PFKFB3: variants seen among roughly 807,000 people sequenced by gnomAD.
PFKFB3 encodes 6-phosphofructo-2-kinase/fructose-2,6-bisphosphatase 3.
A neutral mutation model predicts 68.0 loss-of-function variants in PFKFB3; 33 were observed. The observed-to-expected ratio is 0.49, with a 90% confidence interval of 0.37 to 0.65. The LOEUF is 0.65. Among genes scored for constraint, PFKFB3 ranks in the 30% least tolerant of loss-of-function variants. PFKFB3 has a pLI of 0.00. For missense variants in PFKFB3, 586 were observed against 712.2 expected, an observed-to-expected ratio of 0.82 and a Z score of 2.02; for synonymous variants, 315 against 288.2, an observed-to-expected ratio of 1.09 and a Z score of -0.94.
intron 1 of PFKFB3, among the ~76,000 whole-genome samples, chr10:6,196,172 C>G (rs1241025522): frequency 6.6e-6 from 1 of 150,892 alleles, no homozygotes; most frequent in East Asian, 1.9e-4. Context: ...CGCTCTGTCT[C>G]CTAGGCTGGA....
chr10:6,223,412 T>C (rs768394384), intron 11 of PFKFB3, among the ~76,000 whole-genome samples: 2 of 152,168 alleles, frequency 1.3e-5, no homozygotes, highest in Non-Finnish European at 2.9e-5. Context: ...CTAAATTGTT[T>C]GGGAGTGACT....
At position 6,221,700 on chromosome 10, in the gene PFKFB3, G is replaced by T. The variant is rs372499415; in HGVS notation, c.1038G>T (p.Ala346=). The change falls in exon 10 of 15, where the codon GCG becomes GCT. Residue 346 remains alanine, a synonymous_variant. Transcript: ENST00000379775. The part of the protein sequence containing the change: ...EIRDTYPEEY[A]LREQDKYYYR... ...GGGACACCTACCCTGAGGAGTATGC[G>T]CTGCGGGAGCAGGACAAGTACTATT... 2.5e-6 allele frequency: 4 copies of T among 1,609,556 alleles called. No homozygotes were observed. The highest frequency in any genetic ancestry group is 3.4e-5 in the Admixed American group (2 of 59,274).
chr10:6,309,495 G>A, the PFKFB3 span, among the ~76,000 whole-genome samples: 1 of 152,040 alleles, frequency 6.6e-6, no homozygotes, highest in Non-Finnish European at 1.5e-5. Flanking sequence ...GGTGGTGCAT[G>A]CCTGTAATCC....
At chr10:6,307,551 T>TTCCTTCCC in the PFKFB3 span, among the ~76,000 whole-genome samples, 1 of 150,842 alleles carries the variant, frequency 6.6e-6, no homozygotes, top group Admixed American at 6.6e-5. Flanking sequence ...CCTTCCTTCC[T>TTCCTTCCC]TCCTTCCTTC....
chr10:6,223,063 C>G, intron 11 of PFKFB3, 79 bp downstream of exon 11: 2 of 1,458,076 alleles, frequency 1.4e-6, no homozygotes, highest in Admixed American at 1.9e-5. Flanking sequence ...GCAGACCTGC[C>G]GTGGCCTGCC....
At chr10:6,320,953 C>T in the PFKFB3 span, among the ~76,000 whole-genome samples, 1 of 152,128 alleles carries the variant, frequency 6.6e-6, no homozygotes. Flanking sequence ...AAATGGTGAG[C>T]GTTGGGTTCT....
At chr10:6,290,303 C>T in the PFKFB3 span, among the ~76,000 whole-genome samples, 1 of 151,812 alleles carries the variant, frequency 6.6e-6, no homozygotes, top group East Asian at 1.9e-4. Flanking sequence ...GAGAATGCTT[C>T]CAGTTTTTGC....
chr10:6,245,032 C>G (rs1296446317), intron 14 of PFKFB3, among the ~76,000 whole-genome samples: 1 of 152,142 alleles, frequency 6.6e-6, no homozygotes. Flanking sequence ...CTGAGGCTCA[C>G]AGAGGGAAAG....
At chr10:6,192,200 G>GT (rs1321122569) in intron 1 of PFKFB3, among the ~76,000 whole-genome samples, 2 of 145,720 alleles carry the variant, frequency 1.4e-5, no homozygotes, top group African/African-American at 5.2e-5. Flanking sequence ...CTGAGGAGGA[G>GT]TACACAGAAG....
chr10:6,242,218 G>A (rs7092365), intron 14 of PFKFB3, among the ~76,000 whole-genome samples: 69,990 of 151,910 alleles, frequency 0.46, 16,434 homozygotes, highest in African/African-American at 0.51. Flanking sequence ...AATCTGTTCC[G>A]TCTCCCCATT....
intron 14 of PFKFB3, among the ~76,000 whole-genome samples, chr10:6,244,016 C>A (rs536044620): frequency 1.3e-5 from 2 of 151,944 alleles, no homozygotes; most frequent in Admixed American, 1.3e-4. Flanking sequence ...CATACTATCA[C>A]GCCCAGCTAA....
In PFKFB3 at chr10:6,228,147, A is replaced by G. The variant is rs759423416; in HGVS notation, c.1515+1782A>G. 14 of 1,611,300 alleles carry G rather than the reference A, an allele frequency of 8.7e-6. 1 individual carries two copies. The South Asian group carries it at 1.5e-4, about 18-fold the overall frequency. The stretch of plus-strand genomic sequence containing the variant: ...GTTTTTCAGGGCTTCGTCCCTGCAG[A>G]TTGCGCCCTGCCTCCTGACTGACTT... On this transcript the variant is annotated intron_variant, in intron 14 of 14. Transcript: ENST00000379775. This position sits in a 1 kb window ranked among gnomAD's most constrained non-coding sequence, Gnocchi z 4.5.
chr10:6,153,779 T>C (rs1009303652), intron 1 of PFKFB3, among the ~76,000 whole-genome samples: 2 of 151,496 alleles, frequency 1.3e-5, no homozygotes, highest in African/African-American at 4.9e-5. Flanking sequence ...TGCTTGAACC[T>C]GGGAGGTGAG....
At position 6,235,389 on chromosome 10, in the gene PFKFB3, C is replaced by G. The variant is rs1355338397; in HGVS notation, c.*2447C>G. The G allele has an allele frequency of 6.6e-6, 1 of 152,220 alleles. No individual in the cohort carries two copies. The highest frequency in any genetic ancestry group is 1.5e-5 in the Non-Finnish European group (1 of 68,048). 9.4% of individuals were successfully genotyped at this position (152,220 alleles called of 1,614,324 possible). A position where few individuals can be genotyped will look rare whatever the true frequency, so the allele number is the denominator to read the frequency against. ...TGGTTTGGGAGCCTCCTATGTGTGA[C>G]TTATGACTTCTCTGTGTTCTGTGTA... On this transcript the variant is annotated 3_prime_UTR_variant, in exon 15 of 15. Transcript: ENST00000379775.
At chr10:6,240,800 C>T (rs948305821) in intron 14 of PFKFB3, among the ~76,000 whole-genome samples, 1 of 152,074 alleles carries the variant, frequency 6.6e-6, no homozygotes, top group Non-Finnish European at 1.5e-5. Context: ...CAGGGTGTCA[C>T]CTTATCTCCT....
At chr10:6,312,964 T>G in the PFKFB3 span, among the ~76,000 whole-genome samples, 7 of 152,206 alleles carry the variant, frequency 4.6e-5, no homozygotes, top group Non-Finnish European at 8.8e-5. Context: ...TGCCATCCCC[T>G]GTGACCACCT....
In PFKFB3 at chr10:6,232,947, G is replaced by T. The variant is rs765714125; in HGVS notation, c.*5G>T. 42 of 1,609,702 alleles carry T rather than the reference G, an allele frequency of 2.6e-5. No homozygotes were observed. The highest frequency in any genetic ancestry group is 3.4e-5 in the Non-Finnish European group (40 of 1,176,300). On this transcript the variant is annotated 3_prime_UTR_variant, in exon 15 of 15. Coordinates refer to ENST00000379775, the MANE Select transcript of PFKFB3 (RefSeq NM_004566.4). ...GACTCCTCCAGGAAACACTGAGGCA[G>T]ACGTGTCGGTTCCATTCCATTTCCA...
downstream of PFKFB3, among the ~76,000 whole-genome samples, chr10:6,258,300 G>A (rs1846510380): frequency 6.6e-6 from 1 of 152,208 alleles, no homozygotes. Flanking sequence ...GGGAAGAGGG[G>A]TGAAGGGATC....
intron 1 of PFKFB3, among the ~76,000 whole-genome samples, chr10:6,185,208 C>G (rs887035754): frequency 2.0e-5 from 3 of 152,190 alleles, no homozygotes; most frequent in Non-Finnish European, 4.4e-5. Flanking sequence ...AGCTCTTTCT[C>G]TGCTCCTCTC....
Sources: gnomAD v4.1 joint callset for allele counts (sites outside exome capture counted in the v4.1 genomes callset) on GRCh38, gnomAD v4.1.1 for gene constraint, Gnocchi (gnomAD v3.1) non-coding constraint, MANE v1.5 for transcripts, NCBI Gene and HGNC (gene_info 2026-07-23, HGNC 2026-07-21) for gene names.